Variants in NSUN6 observed in about 807,000 individuals in gnomAD.
NSUN6 encodes NOP2/Sun RNA methyltransferase 6.
NSUN6 carries 64 observed loss-of-function variants against 58.0 expected under a neutral mutation model. That is an observed-to-expected ratio of 1.10 (90% CI 0.90 to 1.36). NSUN6 has a LOEUF of 1.36. NSUN6 is among the 40% of genes most tolerant of loss of function. The pLI, the probability that NSUN6 is intolerant of heterozygous loss-of-function variation, is 0.00. For synonymous variants in NSUN6, 231 were observed against 193.9 expected (o/e 1.19, Z -1.59); for missense variants, 701 against 550.1 (o/e 1.27, Z -2.74).
rs1171970493 is a variant in NSUN6 at position 18,555,876 on chromosome 10, T to TA, written c.923-3906_923-3905insT. 1.8e-3 allele frequency among the ~76,000 whole-genome samples: 244 copies of TA among 138,740 alleles called. 2 individuals carry two copies. The highest frequency in any genetic ancestry group is 6.2e-3 in the African/African-American group (228 of 36,778). The allele number at this position is 138,740 out of a possible 152,430, so 91.0% of individuals were successfully genotyped here. ...ATGGAGAATGGAATGGAATGGAGAA[T>TA]GAACTGGAATGGAGAATAGAATGGA... On this transcript the variant is annotated intron_variant, in intron 8 of 10. Coordinates refer to ENST00000377304, the MANE Select transcript of NSUN6 (RefSeq NM_182543.5).
chr10:18,597,629 G>T (rs1240460839), intron 6 of NSUN6, among the ~76,000 whole-genome samples: 1 of 152,172 alleles, frequency 6.6e-6, no homozygotes, highest in East Asian at 1.9e-4. Flanking sequence ...AGCTGGGCAT[G>T]GTGGCACATG....
chr10:18,636,606 T>C (rs2059222669), intron 3 of NSUN6, among the ~76,000 whole-genome samples: 1 of 151,984 alleles, frequency 6.6e-6, no homozygotes, highest in Admixed American at 6.6e-5. Flanking sequence ...CAAAAGAGAC[T>C]GAATGGGCTG....
At chr10:18,546,954 A>G (rs2054306345) in intron 10 of NSUN6, among the ~76,000 whole-genome samples, 1 of 151,224 alleles carries the variant, frequency 6.6e-6, no homozygotes, top group African/African-American at 2.4e-5. Flanking sequence ...AAGAAAAAGA[A>G]AAAAGAAAAA....
At position 18,623,935 on chromosome 10, in the gene NSUN6, C is replaced by A. The variant is rs190504439; in HGVS notation, c.312-7642G>T. ...AGTCCCATAGGCATGCTCTTTCCCC[C>A]ATTCTGGATCCTTCTTGAGCAAACT... On this transcript the variant is annotated intron_variant, in intron 3 of 10. Transcript: ENST00000377304. Among the ~76,000 whole-genome samples the A allele has an allele frequency of 3.8e-3, 577 of 152,262 alleles. 4 individuals are homozygous for A. The highest frequency in any genetic ancestry group is 0.013 in the African/African-American group (525 of 41,570).
At chr10:18,553,960 G>A (rs1270984808) in intron 8 of NSUN6, among the ~76,000 whole-genome samples, 1 of 151,348 alleles carries the variant, frequency 6.6e-6, no homozygotes, top group East Asian at 2.0e-4. Context: ...AGAATGGAAG[G>A]GAATGGAATG....
At chr10:18,566,573 A>G (rs2055970572) in intron 8 of NSUN6, among the ~76,000 whole-genome samples, 1 of 142,768 alleles carries the variant, frequency 7.0e-6, no homozygotes, top group Admixed American at 7.2e-5. Context: ...ATTCCATTCT[A>G]TTGCATTCTA....
chr10:18,589,263 G>C (rs1029459086), intron 7 of NSUN6, among the ~76,000 whole-genome samples: 2 of 152,122 alleles, frequency 1.3e-5, no homozygotes, highest in Non-Finnish European at 2.9e-5. Context: ...AGAAATATGC[G>C]ACTATGTGAA....
chr10:18,644,563 G>T (rs1030807524), intron 2 of NSUN6, among the ~76,000 whole-genome samples: 1 of 151,574 alleles, frequency 6.6e-6, no homozygotes, highest in African/African-American at 2.4e-5. Flanking sequence ...TTGGCCGGGC[G>T]CAGTGGCTCA....
intron 9 of NSUN6, among the ~76,000 whole-genome samples, chr10:18,550,742 T>G (rs1426973502): frequency 2.0e-5 from 3 of 151,718 alleles, no homozygotes; most frequent in Non-Finnish European, 4.4e-5. Flanking sequence ...TTTTTTTTTT[T>G]TTGAGACAAT....
Position 18,596,345 on chromosome 10 carries a change from T to A in NSUN6, c.658-18A>T. ...GGCAAATTCTATAAGGAAAAAAATG[T>A]AATCGATTATCAATAATCCTAAAGC... is the stretch of plus-strand genomic sequence containing the variant. On this transcript the variant is annotated intron_variant, in intron 6 of 10. Transcript: ENST00000377304. 6.6e-7 allele frequency: 1 copy of A among 1,508,026 alleles called. No individual in the cohort carries two copies. Among genetic ancestry groups the A allele is most frequent in the Non-Finnish European group, 9.2e-7 (1 of 1,084,482 alleles). 93.4% of individuals were successfully genotyped at this position (1,508,026 alleles called of 1,614,324 possible).
intron 3 of NSUN6, among the ~76,000 whole-genome samples, chr10:18,625,867 A>G (rs1289848388): frequency 6.6e-6 from 1 of 152,080 alleles, no homozygotes; most frequent in Non-Finnish European, 1.5e-5. Flanking sequence ...TTAAAAGGAA[A>G]AGTTTTTGGT....
chr10:18,640,541 C>T (rs1012337828), intron 3 of NSUN6, among the ~76,000 whole-genome samples: 2 of 152,090 alleles, frequency 1.3e-5, no homozygotes, highest in African/African-American at 4.8e-5. Flanking sequence ...TGATTATGGT[C>T]TATTATAGTA....
chr10:18,652,152 T>C, upstream of NSUN6: 1 of 985,338 alleles, frequency 1.0e-6, no homozygotes, highest in Non-Finnish European at 1.2e-6. Context: ...CAGTTAGTTA[T>C]AAGGCTAACT....
chr10:18,623,473 C>G (rs7089083), intron 3 of NSUN6, among the ~76,000 whole-genome samples: 19 of 152,064 alleles, frequency 1.2e-4, no homozygotes, highest in African/African-American at 4.3e-4. Flanking sequence ...TTTCTCAGCA[C>G]GGTGTGGAGT....
chr10:18,571,333 C>A, intron 8 of NSUN6, among the ~76,000 whole-genome samples: 1 of 151,158 alleles, frequency 6.6e-6, no homozygotes, highest in Non-Finnish European at 1.5e-5. Context: ...CCATTCCATT[C>A]CCTTGCATTC....
At chr10:18,611,372 AT>A (rs1012113397) in intron 5 of NSUN6, among the ~76,000 whole-genome samples, 25 of 152,128 alleles carry the variant, frequency 1.6e-4, no homozygotes, top group Admixed American at 9.2e-4. Context: ...CTTGGCAGAC[AT>A]GCATCTACAT....
At chr10:18,571,440 C>T (rs2056356119) in intron 8 of NSUN6, among the ~76,000 whole-genome samples, 1 of 151,172 alleles carries the variant, frequency 6.6e-6, no homozygotes, top group Non-Finnish European at 1.5e-5. Context: ...TCATTCCATT[C>T]CAAACCATTC....
intron 8 of NSUN6, among the ~76,000 whole-genome samples, chr10:18,558,510 G>A (rs1300663835): frequency 2.7e-5 from 4 of 148,032 alleles, no homozygotes; most frequent in African/African-American, 9.9e-5. Flanking sequence ...ATGGAGAAAG[G>A]AATAGAATAT....
chr10:18,581,406 T>G (rs969291397), intron 8 of NSUN6, among the ~76,000 whole-genome samples: 1 of 152,084 alleles, frequency 6.6e-6, no homozygotes, highest in Non-Finnish European at 1.5e-5. Flanking sequence ...ACTGCTACAC[T>G]CCCACTGGCA....
Sources: gnomAD v4.1 joint callset for allele counts (sites outside exome capture counted in the v4.1 genomes callset) on GRCh38, gnomAD v4.1.1 for gene constraint, MANE v1.5 for transcripts, NCBI Gene and HGNC (gene_info 2026-07-23, HGNC 2026-07-21) for gene names.